SLC2A9: variants seen among roughly 807,000 people sequenced by gnomAD.
The protein encoded by SLC2A9 is solute carrier family 2, facilitated glucose transporter member 9.
Under a neutral mutation model 50.6 loss-of-function variants are expected in SLC2A9, and 39 were observed. That is an observed-to-expected ratio of 0.77 (90% CI 0.60 to 1.01). The LOEUF (loss-of-function observed/expected upper bound fraction) is 1.01. SLC2A9 is among the 50% of genes least tolerant of loss of function. The pLI is 0.00. For missense variants in SLC2A9, 686 were observed against 677.6 expected (o/e 1.01, Z -0.14); for synonymous variants, 324 against 276.9 (o/e 1.17, Z -1.69).
At chr4:10,000,152 G>A (rs1054350440) in intron 2 of SLC2A9, among the ~76,000 whole-genome samples, 13 of 152,178 alleles carry the variant, frequency 8.5e-5, no homozygotes, top group Non-Finnish European at 1.9e-4. Flanking sequence ...AGCACGGAGT[G>A]AGGATAGAAT....
At chr4:9,912,927 GAAGACGT>G (rs1421086117) in intron 7 of SLC2A9, among the ~76,000 whole-genome samples, 3 of 152,220 alleles carry the variant, frequency 2.0e-5, no homozygotes, top group Non-Finnish European at 2.9e-5. Flanking sequence ...GATTCAGAGA[GAAGACGT>G]AAGGATGGAA....
At chr4:9,898,217 G>A (rs575633350) in intron 8 of SLC2A9, among the ~76,000 whole-genome samples, 1 of 152,128 alleles carries the variant, frequency 6.6e-6, no homozygotes, top group Admixed American at 6.5e-5. Context: ...TGGAGGGCAG[G>A]GCTTGTAATG....
At position 9,959,913 on chromosome 4, in the gene SLC2A9, C is replaced by G. The variant is rs189377152; in HGVS notation, c.682-17868G>C. 1.7e-3 allele frequency among the ~76,000 whole-genome samples: 262 copies of G among 152,292 alleles called. 3 individuals carry two copies. In the South Asian group the frequency reaches 0.031, roughly 18 times the overall value. ...GGGCTGAGTCACATTCAGGGTCCGA[C>G]TTGACTGCTAGATGAATTTGGTGGT... On this transcript the variant is annotated intron_variant, in intron 5 of 11. Transcript: ENST00000264784.
At chr4:9,881,909 C>T (rs1378031683) in intron 10 of SLC2A9, among the ~76,000 whole-genome samples, 1 of 152,212 alleles carries the variant, frequency 6.6e-6, no homozygotes. Flanking sequence ...CTCCCTCCAG[C>T]GCTGAAGTCA....
chr4:9,989,139 G>A (rs1007016891), intron 3 of SLC2A9, among the ~76,000 whole-genome samples: 40 of 152,146 alleles, frequency 2.6e-4, no homozygotes, highest in Non-Finnish European at 4.4e-5. Context: ...TACCCAGCTT[G>A]AATTCCTTGG....
rs141127246 is a variant in SLC2A9 at position 9,820,172 on chromosome 4, A to G, written n.420+6248T>C. On this transcript the variant is annotated intron_variant and non_coding_transcript_variant, in intron 3 of 3. Coordinates refer to the SLC2A9 transcript ENST00000503280. ...ATTCATTTTGAATTCATTTTTAAGGAGTGAGATATAGGTTGGAGTTTATTT... is the reference window on the plus strand; with the variant it reads ...ATTCATTTTGAATTCATTTTTAAGGGGTGAGATATAGGTTGGAGTTTATTT... Among the ~76,000 whole-genome samples the G allele has an allele frequency of 7.8e-4, 119 of 152,234 alleles. 2 individuals are homozygous for G. The East Asian group carries it at 0.018, about 23-fold the overall frequency.
intron 8 of SLC2A9, among the ~76,000 whole-genome samples, chr4:9,897,285 A>G (rs1738729107): frequency 6.6e-6 from 1 of 152,164 alleles, no homozygotes; most frequent in Non-Finnish European, 1.5e-5. Context: ...GCCTGAGGTC[A>G]CTGAGAGCCT....
intron 11 of SLC2A9, among the ~76,000 whole-genome samples, chr4:9,831,593 C>T (rs1259455210): frequency 6.6e-6 from 1 of 152,212 alleles, no homozygotes; most frequent in Non-Finnish European, 1.5e-5. Flanking sequence ...TACATGCACT[C>T]TTGCGCTGCC....
At chr4:9,880,187 C>G (rs1477101280) in intron 10 of SLC2A9, 1 of 985,330 alleles carries the variant, frequency 1.0e-6, no homozygotes, top group South Asian at 4.7e-5. Flanking sequence ...GGCAGCTTTT[C>G]TTAGACAGGT....
At chr4:9,791,216 C>G (rs764673144) in intron 3 of SLC2A9, among the ~76,000 whole-genome samples, 1 of 152,046 alleles carries the variant, frequency 6.6e-6, no homozygotes, top group Admixed American at 6.6e-5. Flanking sequence ...ATAGTCAGTA[C>G]CTAATAAGCA....
At chr4:9,930,269 T>C (rs980492987) in intron 6 of SLC2A9, among the ~76,000 whole-genome samples, 2 of 152,192 alleles carry the variant, frequency 1.3e-5, no homozygotes, top group Admixed American at 1.3e-4. Flanking sequence ...GCAAGACGGA[T>C]ATCTGTGTTG....
chr4:9,899,723 C>G (rs535585413), intron 8 of SLC2A9, among the ~76,000 whole-genome samples: 1 of 152,180 alleles, frequency 6.6e-6, no homozygotes, highest in African/African-American at 2.4e-5. Flanking sequence ...AAATAATGAT[C>G]ATCCCAGGGT....
intron 1 of SLC2A9, among the ~76,000 whole-genome samples, chr4:10,033,283 G>A (rs1225735820): frequency 1.3e-5 from 2 of 152,114 alleles, no homozygotes; most frequent in Admixed American, 6.5e-5. Flanking sequence ...CTATCAGCCC[G>A]GCTGCTTCCC....
intron 7 of SLC2A9, among the ~76,000 whole-genome samples, chr4:9,909,695 C>A (rs1741336450): frequency 1.3e-5 from 2 of 152,216 alleles, no homozygotes; most frequent in Non-Finnish European, 2.9e-5. Flanking sequence ...TTAGCCTGGA[C>A]ACAAATGATG....
intron 2 of SLC2A9, among the ~76,000 whole-genome samples, chr4:10,014,770 T>C (rs758023161): frequency 2.6e-5 from 4 of 152,276 alleles, no homozygotes; most frequent in Non-Finnish European, 4.4e-5. Context: ...CATGGATGTG[T>C]GTCGTTTTCA....
At chr4:9,990,397 C>T (rs1168805086) in intron 3 of SLC2A9, among the ~76,000 whole-genome samples, 1 of 152,064 alleles carries the variant, frequency 6.6e-6, no homozygotes, top group Non-Finnish European at 1.5e-5. Flanking sequence ...GCCATAAATA[C>T]ATATGGTTCT....
chr4:10,026,183 A>G (rs1763745597), upstream of SLC2A9, among the ~76,000 whole-genome samples: 1 of 152,138 alleles, frequency 6.6e-6, no homozygotes, highest in Non-Finnish European at 1.5e-5. Context: ...CTCTGTCCTC[A>G]GTTTCTCTAT....
downstream of SLC2A9, among the ~76,000 whole-genome samples, chr4:9,794,366 G>C (rs1225735005): frequency 6.6e-6 from 1 of 152,148 alleles, no homozygotes; most frequent in Non-Finnish European, 1.5e-5. Flanking sequence ...ATGTTGGTCA[G>C]GTTGGTCTCA....
intron 3 of SLC2A9, among the ~76,000 whole-genome samples, chr4:9,802,790 T>G (rs1225637002): frequency 1.3e-5 from 2 of 152,134 alleles, no homozygotes; most frequent in African/African-American, 4.8e-5. Context: ...CTCAAACTCC[T>G]TACCTCAGGT....
Sources: gnomAD v4.1 joint callset for allele counts (sites outside exome capture counted in the v4.1 genomes callset) on GRCh38, gnomAD v4.1.1 for gene constraint, MANE v1.5 for transcripts, NCBI Gene and HGNC (gene_info 2026-07-23, HGNC 2026-07-21) for gene names.